Variants in PCDHGA4 observed in about 807,000 individuals in gnomAD.
PCDHGA4 encodes the protein protocadherin gamma subfamily A, 4, also known as protocadherin gamma-A4.
A neutral mutation model predicts 54.6 loss-of-function variants in PCDHGA4; 38 were observed. The ratio of observed to expected loss-of-function variants is 0.70; its 90% CI spans 0.54 to 0.91. The LOEUF (loss-of-function observed/expected upper bound fraction) is 0.91, where lower values mean the gene tolerates loss of function less well. PCDHGA4 is among the 40% of genes least tolerant of loss of function. The pLI is 0.00. For synonymous variants in PCDHGA4, 511 were observed against 512.9 expected (o/e 1.00, Z 0.05); for missense variants, 1,298 against 1,220.9 (o/e 1.06, Z -0.94).
At position 141,408,836 on chromosome 5, in the gene PCDHGA4, T is replaced by C. The variant is rs772595834; in HGVS notation, c.2514+51215T>C. The C allele has an allele frequency of 5.0e-6, 8 of 1,613,680 alleles. No individual in the cohort carries two copies. In the South Asian group the frequency reaches 6.6e-5, roughly 13 times the overall value. ...AGAACAGAGATCTCATAGCTTGATA[T>C]TGACTGCCTTGGACGGAGGGGACCC... On this transcript the variant is annotated intron_variant, in intron 1 of 3. Transcript: ENST00000571252.
chr5:141,494,323 A>T (rs1188768690), intron 1 of PCDHGA4, among the ~76,000 whole-genome samples: 1 of 152,210 alleles, frequency 6.6e-6, no homozygotes, highest in Non-Finnish European at 1.5e-5. Flanking sequence ...CCTGGCACCA[A>T]AAGGGTTACC....
chr5:141,451,978 T>A (rs1329730658), intron 1 of PCDHGA4, among the ~76,000 whole-genome samples: 1 of 152,188 alleles, frequency 6.6e-6, no homozygotes, highest in Non-Finnish European at 1.5e-5. Flanking sequence ...TTTGCTGTAG[T>A]TTGTTCATTA....
At chr5:141,391,264 G>A (rs1427432631) in intron 1 of PCDHGA4, 1 of 151,768 alleles carries the variant, frequency 6.6e-6, no homozygotes, top group Non-Finnish European at 1.5e-5. Context: ...TCAGTTAATG[G>A]CCACTTTACA....
At chr5:141,403,334 G>T (rs2094392979) in intron 1 of PCDHGA4, 2 of 1,613,972 alleles carry the variant, frequency 1.2e-6, no homozygotes, top group Non-Finnish European at 1.7e-6. Flanking sequence ...TGATATTAAC[G>T]ACAGCGCCCC....
Position 141,485,086 on chromosome 5 carries a change from A to T in PCDHGA4, c.2515-9721A>T. 1.0e-6 allele frequency: 1 copy of T among 999,576 alleles called. No individual in the cohort carries two copies. Among genetic ancestry groups the T allele is most frequent in the Non-Finnish European group, 1.5e-6 (1 of 651,740 alleles). 61.9% of individuals were successfully genotyped at this position (999,576 alleles called of 1,614,324 possible). A position where few individuals can be genotyped will look rare whatever the true frequency, so the allele number is the denominator to read the frequency against. On this transcript the variant is annotated intron_variant, in intron 1 of 3. Transcript: ENST00000571252. The surrounding 1 kb of genome is among the most constrained non-coding windows in gnomAD (Gnocchi z 5.7). The stretch of plus-strand genomic sequence containing the variant: ...CCAGAGCTGGCGCGGGGAAAGGGAG[A>T]TAGGTGTCTCCAGCTGCTGTGGCTG...
At chr5:141,365,366 G>A (rs764735476) in intron 1 of PCDHGA4, 15 of 1,613,910 alleles carry the variant, frequency 9.3e-6, no homozygotes, top group Middle Eastern at 1.6e-4. Flanking sequence ...CAATGCCCCC[G>A]AAGTGATCCT....
intron 1 of PCDHGA4, chr5:141,418,983 A>T: frequency 6.2e-7 from 1 of 1,613,900 alleles, no homozygotes; most frequent in Admixed American, 1.7e-5. Context: ...CGGGACCAAG[A>T]CTCAGGGGAA....
At position 141,427,408 on chromosome 5, in the gene PCDHGA4, G is replaced by C. The variant is rs975709597; in HGVS notation, c.2515-67399G>C. ...TTCAAAACACATGATAAAGATTCGA[G>C]AGAAAATGGGGAGGTTACATGCCTC... On this transcript the variant is annotated intron_variant, in intron 1 of 3. Coordinates refer to ENST00000571252, the MANE Select transcript of PCDHGA4 (RefSeq NM_018917.4). The C allele has an allele frequency of 1.3e-5, 6 of 463,300 alleles. No homozygotes were observed. In the Admixed American group the frequency reaches 1.4e-4, roughly 11 times the overall value. The allele number at this position is 463,300 out of a possible 1,614,324, so 28.7% of individuals were successfully genotyped here. A position where few individuals can be genotyped will look rare whatever the true frequency, so the allele number is the denominator to read the frequency against.
At chr5:141,382,720 T>G in intron 1 of PCDHGA4, 1 of 480,114 alleles carries the variant, frequency 2.1e-6, no homozygotes, top group Non-Finnish European at 3.5e-6. Flanking sequence ...AACCACCGAG[T>G]TTTACAGCAC....
At chr5:141,451,334 C>G (rs916812246) in intron 1 of PCDHGA4, among the ~76,000 whole-genome samples, 4 of 152,192 alleles carry the variant, frequency 2.6e-5, no homozygotes, top group Non-Finnish European at 4.4e-5. Context: ...AGGCTATTGT[C>G]TTATCTGAAG....
In PCDHGA4 at chr5:141,389,617, A is replaced by G. The variant is rs375985151; in HGVS notation, c.2514+31996A>G. 179 of 1,612,924 alleles carry G rather than the reference A, an allele frequency of 1.1e-4. No individual in the cohort carries two copies. The Middle Eastern group carries it at 3.6e-3, about 32-fold the overall frequency. ...TCTGCGCTCTTCGATATGGTGCCGC[A>G]CGCTGCAGAGCCTGGCTACTTGGTG... is the stretch of plus-strand genomic sequence containing the variant. On this transcript the variant is annotated intron_variant, in intron 1 of 3. Transcript: ENST00000571252.
intron 1 of PCDHGA4, among the ~76,000 whole-genome samples, chr5:141,358,066 C>T (rs1760810075): frequency 1.3e-5 from 2 of 152,032 alleles, no homozygotes; most frequent in South Asian, 4.2e-4. Context: ...GGTGTGTGCC[C>T]GTAGTCCCAG....
At chr5:141,395,186 G>C in intron 1 of PCDHGA4, 1 of 1,614,086 alleles carries the variant, frequency 6.2e-7, no homozygotes, top group Non-Finnish European at 8.5e-7. Context: ...ATGATTCTTT[G>C]TTAACATCCG....
chr5:141,389,805 C>G (rs1222548961), intron 1 of PCDHGA4: 1 of 1,613,802 alleles, frequency 6.2e-7, no homozygotes, highest in East Asian at 2.2e-5. Flanking sequence ...CCAGCGCCTT[C>G]TGGTCGCCGT....
chr5:141,363,667 A>G (rs1260972541), intron 1 of PCDHGA4, among the ~76,000 whole-genome samples: 1 of 152,262 alleles, frequency 6.6e-6, no homozygotes, highest in Non-Finnish European at 1.5e-5. Flanking sequence ...TTTCTTCTGC[A>G]TATGACAGCT....
chr5:141,365,759 C>G (rs376978243), intron 1 of PCDHGA4: 16 of 1,613,742 alleles, frequency 9.9e-6, no homozygotes, highest in Non-Finnish European at 1.2e-5. Flanking sequence ...TGTGACAGCC[C>G]ATGACCCCGA....
rs1333419586 is a variant in PCDHGA4 at position 141,485,206 on chromosome 5, C to T, written c.2515-9601C>T. 1 of 1,614,116 alleles carries T rather than the reference C, an allele frequency of 6.2e-7. No individual in the cohort carries two copies. The highest frequency in any genetic ancestry group is 8.5e-7 in the Non-Finnish European group (1 of 1,179,946). ...GCAAGGTGAGAAGCTGGACAGAAAT[C>T]TGGCGGTGGGCTACCCTTTTGTTCC... On this transcript the variant is annotated intron_variant, in intron 1 of 3. Coordinates refer to ENST00000571252, the MANE Select transcript of PCDHGA4 (RefSeq NM_018917.4). The surrounding 1 kb of genome is among the most constrained non-coding windows in gnomAD (Gnocchi z 5.7).
chr5:141,366,646 G>A (rs1219321287), intron 1 of PCDHGA4: 1 of 1,614,248 alleles, frequency 6.2e-7, no homozygotes, highest in Non-Finnish European at 8.5e-7. Flanking sequence ...TCTTTCCCCA[G>A]CCCAACTACG....
intron 1 of PCDHGA4, chr5:141,371,141 C>A: frequency 2.2e-5 from 35 of 1,613,982 alleles, no homozygotes; most frequent in Non-Finnish European, 2.8e-5. Context: ...TGTACAGGGT[C>A]AATGTTGCAG....
Sources: allele counts gnomAD v4.1 joint callset (sites outside exome capture counted in the v4.1 genomes callset), GRCh38; gene constraint gnomAD v4.1.1; non-coding constraint Gnocchi (gnomAD v3.1); transcripts MANE v1.5; gene names NCBI Gene and HGNC (gene_info 2026-07-23, HGNC 2026-07-21).